Variants in FAM135A observed in about 807,000 individuals in gnomAD.
FAM135A encodes family with sequence similarity 135 member A, also known as protein FAM135A.
A neutral mutation model predicts 146.8 loss-of-function variants in FAM135A; 79 were observed. The ratio of observed to expected loss-of-function variants is 0.54; its 90% CI spans 0.45 to 0.65. The LOEUF is 0.65. Among genes scored for constraint, FAM135A ranks in the 30% least tolerant of loss-of-function variants. The pLI, the probability that FAM135A is intolerant of heterozygous loss-of-function variation, is 0.00. For synonymous variants in FAM135A, 562 were observed against 603.6 expected (o/e 0.93, Z 1.01); for missense variants, 1,623 against 1,758.2 (o/e 0.92, Z 1.38).
chr6:70,461,293 A>G (rs367604383), intron 5 of FAM135A, among the ~76,000 whole-genome samples: 1 of 152,106 alleles, frequency 6.6e-6, no homozygotes, highest in South Asian at 2.1e-4. Flanking sequence ...GCAGTGTATT[A>G]CCTGCTACAC....
chr6:70,532,152 A>C (rs1795950213), intron 16 of FAM135A, among the ~76,000 whole-genome samples: 1 of 152,104 alleles, frequency 6.6e-6, no homozygotes, highest in Non-Finnish European at 1.5e-5. Flanking sequence ...CTGGGATTAC[A>C]GGCGTGAGCC....
intron 1 of FAM135A, 85 bp downstream of exon 1, chr6:70,413,787 A>G: frequency 1.0e-6 from 1 of 984,904 alleles, no homozygotes; most frequent in Non-Finnish European, 1.2e-6. Flanking sequence ...AGGGGCCAGG[A>G]AGGAAGCGGC....
intron 1 of FAM135A, among the ~76,000 whole-genome samples, chr6:70,414,485 A>C (rs182739607): frequency 2.0e-5 from 3 of 150,856 alleles, no homozygotes; most frequent in Non-Finnish European, 4.4e-5. Context: ...CTCTAATCTT[A>C]ATTTTTTCCC....
At position 70,554,464 on chromosome 6, in the gene FAM135A, A is replaced by G. The variant is rs566466338; in HGVS notation, c.4229-2286A>G. 5.3e-5 allele frequency among the ~76,000 whole-genome samples: 8 copies of G among 152,314 alleles called. No homozygotes were observed. The South Asian group carries it at 8.3e-4, about 16-fold the overall frequency. Reference sequence around the variant, plus strand: ...ATTTACATGGAGTAATTAGGAAGAAAGACTTCTGGGAATAGGTTCAGTAAA... The same window carrying G: ...ATTTACATGGAGTAATTAGGAAGAAGGACTTCTGGGAATAGGTTCAGTAAA... On this transcript the variant is annotated intron_variant, in intron 20 of 21. Coordinates refer to ENST00000418814, the MANE Select transcript of FAM135A (RefSeq NM_001162529.3).
chr6:70,559,662 T>G, intron 21 of FAM135A, 54 bp from the exon 22 acceptor site: 1 of 1,417,452 alleles, frequency 7.1e-7, no homozygotes, highest in Non-Finnish European at 9.5e-7. Flanking sequence ...CATAGTTTTT[T>G]TATTTTCAGT....
At chr6:70,520,281 A>G (rs1380090617) in intron 12 of FAM135A, among the ~76,000 whole-genome samples, 1 of 151,958 alleles carries the variant, frequency 6.6e-6, no homozygotes, top group East Asian at 1.9e-4. Context: ...ATTTTATGAT[A>G]ATTTTGCTAT....
Position 70,534,312 on chromosome 6 carries a change from C to CTT in FAM135A, c.3965+482_3965+483dup, listed in dbSNP as rs1179072858. Among the ~76,000 whole-genome samples the CTT allele has an allele frequency of 4.5e-4, 40 of 89,802 alleles. 2 individuals carry two copies. The highest frequency in any genetic ancestry group is 1.2e-3 in the African/African-American group (25 of 20,954). The allele number at this position is 89,802 out of a possible 152,430, so 58.9% of individuals were successfully genotyped here. On this transcript the variant is annotated intron_variant, in intron 18 of 21. Coordinates refer to ENST00000418814, the MANE Select transcript of FAM135A (RefSeq NM_001162529.3). ...CAAAAATACTTTCAAAGTTTGTATACTTTTTTTTTTTTTTTTTTTTTTTTT... is the reference window on the plus strand; with the variant it reads ...CAAAAATACTTTCAAAGTTTGTATACTTTTTTTTTTTTTTTTTTTTTTTTTTT...
Position 70,502,777 on chromosome 6 carries a change from C to T in FAM135A, c.1015C>T (p.His339Tyr). ...EELRILLAQE[H>Y]HTLRVRRFSE... Reference sequence around the variant, plus strand: ...ACTAAGAATATTATTAGCACAAGAGCACCATACTTTGAGGGTAAGTTAAAG... The same window carrying T: ...ACTAAGAATATTATTAGCACAAGAGTACCATACTTTGAGGGTAAGTTAAAG... The change falls in exon 12 of 22, where the codon CAC (histidine) becomes TAC (tyrosine). Residue 339 changes from histidine to tyrosine, a missense_variant. Coordinates refer to ENST00000418814, the MANE Select transcript of FAM135A (RefSeq NM_001162529.3). The T allele has an allele frequency of 6.2e-7, 1 of 1,609,856 alleles. No individual in the cohort carries two copies. Among genetic ancestry groups the T allele is most frequent in the Non-Finnish European group, 8.5e-7 (1 of 1,178,028 alleles).
chr6:70,495,652 T>C (rs1263941899), intron 11 of FAM135A, among the ~76,000 whole-genome samples: 2 of 152,174 alleles, frequency 1.3e-5, no homozygotes, highest in Admixed American at 1.3e-4. Flanking sequence ...TTTATTTTTA[T>C]TATACTTCAA....
chr6:70,525,795 A>G lies in FAM135A; in HGVS notation c.2711A>G (p.Asp904Gly). The G allele has an allele frequency of 6.2e-7, 1 of 1,613,344 alleles. No individual in the cohort carries two copies. The highest frequency in any genetic ancestry group is 8.5e-7 in the Non-Finnish European group (1 of 1,179,610). Residue 904 changes from aspartate (D) to glycine (G), a missense_variant, in exon 15 of 22, where the codon GAC (aspartate) becomes GGC (glycine). Physicochemically the swap from Asp to Gly is moderately conservative, Grantham distance 94 (BLOSUM62 -1). This residue lies in a region of FAM135A where 1,061 missense variants were observed against 1,113.8 expected (regional missense o/e 0.95). Coordinates refer to ENST00000418814, the MANE Select transcript of FAM135A (RefSeq NM_001162529.3). ...QQSVVFSGNL[D>G]NETVAIHSLN... ...AGTGTTGTATTTTCAGGGAACTTGGACAATGAAACTGTAGCAATACATTCC... is the reference window on the plus strand; with the variant it reads ...AGTGTTGTATTTTCAGGGAACTTGGGCAATGAAACTGTAGCAATACATTCC...
intron 4 of FAM135A, among the ~76,000 whole-genome samples, chr6:70,433,963 A>G (rs577393315): frequency 1.5e-4 from 23 of 152,312 alleles, no homozygotes; most frequent in African/African-American, 5.5e-4. Flanking sequence ...ATTTTACTCT[A>G]TTCTATCATT....
chr6:70,512,882 T>C (rs1319906998), intron 12 of FAM135A, among the ~76,000 whole-genome samples: 1 of 151,860 alleles, frequency 6.6e-6, no homozygotes, highest in Non-Finnish European at 1.5e-5. Flanking sequence ...TATTCTGTAT[T>C]TGCTTTAGAG....
chr6:70,527,596 A>C (rs1056032156), intron 15 of FAM135A, among the ~76,000 whole-genome samples: 2 of 152,130 alleles, frequency 1.3e-5, no homozygotes, highest in African/African-American at 4.8e-5. Context: ...TGGCCAGCTT[A>C]TCCTACTCAG....
intron 20 of FAM135A, among the ~76,000 whole-genome samples, chr6:70,546,329 GTTTGA>G (rs1798860472): frequency 6.6e-6 from 1 of 152,070 alleles, no homozygotes; most frequent in Non-Finnish European, 1.5e-5. Context: ...GGATGCCCTG[GTTTGA>G]TTATTGCTTC....
intron 5 of FAM135A, among the ~76,000 whole-genome samples, chr6:70,461,210 C>T (rs1270574590): frequency 1.3e-5 from 2 of 152,162 alleles, no homozygotes; most frequent in Non-Finnish European, 2.9e-5. Flanking sequence ...GACTTGGAAT[C>T]AGGAGTCTGT....
chr6:70,510,261 C>T (rs1183682180), intron 12 of FAM135A, among the ~76,000 whole-genome samples: 22 of 48,432 alleles, frequency 4.5e-4, no homozygotes, highest in African/African-American at 1.3e-3. Flanking sequence ...TGTTGGGGGG[C>T]GGGTGGGGAT....
chr6:70,433,452 AAACCAGGACATAAGGCC>A (rs1285747585), intron 4 of FAM135A, among the ~76,000 whole-genome samples: 1 of 152,180 alleles, frequency 6.6e-6, no homozygotes, highest in Non-Finnish European at 1.5e-5. Flanking sequence ...GGCTTCAGGC[AAACCAGGACATAAGGCC>A]ATCCTTGTAA....
intron 5 of FAM135A, among the ~76,000 whole-genome samples, chr6:70,467,875 T>G (rs1007202233): frequency 2.6e-5 from 4 of 152,134 alleles, no homozygotes; most frequent in African/African-American, 9.7e-5. Flanking sequence ...TTAAAAAAAT[T>G]TTTCGTATGT....
At chr6:70,413,733 C>T in intron 1 of FAM135A, 31 bp downstream of exon 1, 1 of 903,660 alleles carries the variant, frequency 1.1e-6, no homozygotes, top group Non-Finnish European at 1.3e-6. Flanking sequence ...TCTGGCTCCC[C>T]CGGCTCCCGA....
Sources: gnomAD v4.1 joint callset for allele counts (sites outside exome capture counted in the v4.1 genomes callset) on GRCh38, gnomAD v4.1.1 for gene constraint, gnomAD v4.1.1 regional missense constraint, MANE v1.5 for transcripts, NCBI Gene and HGNC (gene_info 2026-07-23, HGNC 2026-07-21) for gene names.